The following KCNH1 variants were observed in gnomAD, a reference collection of about 807,000 sequenced individuals.
KCNH1 encodes voltage-gated delayed rectifier potassium channel KCNH1.
In KCNH1, 27 loss-of-function variants were observed where a neutral mutation model predicts 69.2. That is an observed-to-expected ratio of 0.39 (90% CI 0.29 to 0.54). The LOEUF (loss-of-function observed/expected upper bound fraction) is 0.54. Among genes scored for constraint, KCNH1 ranks in the 20% least tolerant of loss-of-function variants. The probability of loss-of-function intolerance (pLI) is 0.68; values close to 1 mark genes in which losing one functional copy is unlikely to be tolerated. For synonymous variants in KCNH1, 456 were observed against 487.7 expected (o/e 0.93, Z 0.86); for missense variants, 798 against 1,261.6 (o/e 0.63, Z 5.57).
intron 3 of KCNH1, 147 bp downstream of exon 3, chr1:211,103,349 T>G: frequency 1.8e-6 from 1 of 562,784 alleles, no homozygotes. Context: ...TCAATCTATA[T>G]CATCCATCCC....
At chr1:211,103,624 A>C in intron 2 of KCNH1, 22 bp from the exon 3 acceptor site, 2 of 1,449,992 alleles carry the variant, frequency 1.4e-6, no homozygotes, top group Middle Eastern at 1.8e-4. Context: ...CAAAGAACTC[A>C]AGTTAGATTA....
intron 8 of KCNH1, among the ~76,000 whole-genome samples, chr1:210,798,467 G>A (rs1410752662): frequency 1.3e-5 from 2 of 152,220 alleles, no homozygotes; most frequent in Admixed American, 6.5e-5. Context: ...AGGAGTGAGG[G>A]CAAAGGGGCA....
At chr1:211,070,158 T>C (rs1571622752) in intron 5 of KCNH1, among the ~76,000 whole-genome samples, 1 of 151,994 alleles carries the variant, frequency 6.6e-6, no homozygotes, top group Non-Finnish European at 1.5e-5. Context: ...GGGGCTCACA[T>C]CTGTAATCCC....
chr1:210,952,219 C>T (rs922429593), intron 6 of KCNH1, among the ~76,000 whole-genome samples: 2 of 152,178 alleles, frequency 1.3e-5, no homozygotes, highest in Non-Finnish European at 2.9e-5. Context: ...CTGATATACT[C>T]ATCTCTGGCC....
chr1:211,056,449 A>G (rs1690306824), intron 5 of KCNH1, among the ~76,000 whole-genome samples: 1 of 152,122 alleles, frequency 6.6e-6, no homozygotes, highest in Admixed American at 6.5e-5. Flanking sequence ...GGACCCATCC[A>G]AGGATGGGGG....
intron 6 of KCNH1, among the ~76,000 whole-genome samples, chr1:210,999,727 A>G (rs1304767377): frequency 3.3e-5 from 5 of 152,220 alleles, no homozygotes; most frequent in Non-Finnish European, 7.3e-5. Flanking sequence ...AGAATTTTAG[A>G]CCAATATCCT....
intron 10 of KCNH1, among the ~76,000 whole-genome samples, chr1:210,710,291 C>G (rs189818731): frequency 1.3e-5 from 2 of 151,978 alleles, no homozygotes; most frequent in East Asian, 1.9e-4. Context: ...GGAAGTTGCT[C>G]TGGGTAAGTC....
At chr1:210,905,100 G>A (rs1459165753) in intron 7 of KCNH1, among the ~76,000 whole-genome samples, 2 of 152,298 alleles carry the variant, frequency 1.3e-5, no homozygotes, top group Middle Eastern at 3.4e-3. Context: ...TCCCTGAAAG[G>A]TGACTGTAGG....
At chr1:210,789,685 A>T (rs998366828) in intron 9 of KCNH1, among the ~76,000 whole-genome samples, 1 of 152,216 alleles carries the variant, frequency 6.6e-6, no homozygotes, top group African/African-American at 2.4e-5. Flanking sequence ...ACAAATATTT[A>T]AAAAAATTAA....
intron 6 of KCNH1, among the ~76,000 whole-genome samples, chr1:210,932,251 G>A (rs1206487928): frequency 6.6e-6 from 1 of 152,032 alleles, no homozygotes; most frequent in South Asian, 2.1e-4. Flanking sequence ...ACATATGAGG[G>A]AACTGCTCTT....
At chr1:211,036,124 C>A (rs560565354) in intron 5 of KCNH1, among the ~76,000 whole-genome samples, 5 of 152,250 alleles carry the variant, frequency 3.3e-5, no homozygotes, top group Middle Eastern at 6.8e-3. Context: ...CCCTGACCAA[C>A]TAAAATTGGG....
At chr1:211,120,564 A>G (rs1691667739) in intron 1 of KCNH1, among the ~76,000 whole-genome samples, 1 of 152,162 alleles carries the variant, frequency 6.6e-6, no homozygotes, top group Non-Finnish European at 1.5e-5. Context: ...ATTATAGACA[A>G]TTTGAACAAA....
chr1:211,113,972 TCTCACA>T (rs1336055048), intron 1 of KCNH1, among the ~76,000 whole-genome samples: 9 of 131,602 alleles, frequency 6.8e-5, no homozygotes, highest in African/African-American at 1.9e-4. Flanking sequence ...TCTCTCTCTC[TCTCACA>T]CACACACACA....
chr1:210,797,390 T>C, intron 9 of KCNH1, 118 bp downstream of exon 9: 1 of 1,084,844 alleles, frequency 9.2e-7, no homozygotes, highest in Non-Finnish European at 1.4e-6. Context: ...AAGTGAATAT[T>C]AGCAATTGGC....
chr1:210,771,877 A>G lies in KCNH1; in HGVS notation c.2112+3471T>C, dbSNP rs1406773055. On this transcript the variant is annotated intron_variant, in intron 10 of 10. Coordinates refer to ENST00000271751, the MANE Select transcript of KCNH1 (RefSeq NM_172362.3). ...CAAGCAAGAAAAACTAAAGGCCAAAATGCTGGATTTGCCTCCAGGTTCTGC... is the reference window on the plus strand; with the variant it reads ...CAAGCAAGAAAAACTAAAGGCCAAAGTGCTGGATTTGCCTCCAGGTTCTGC... Among the ~76,000 whole-genome samples the G allele has an allele frequency of 3.3e-5, 5 of 152,252 alleles. No homozygotes were observed. The East Asian group carries it at 9.7e-4, about 29-fold the overall frequency.
chr1:210,720,026 C>T (rs1222823294), intron 10 of KCNH1, among the ~76,000 whole-genome samples: 1 of 152,116 alleles, frequency 6.6e-6, no homozygotes, highest in Non-Finnish European at 1.5e-5. Flanking sequence ...AGATTTTCAC[C>T]CTCTGAGAAC....
At chr1:210,872,190 T>A (rs1399509176) in intron 7 of KCNH1, among the ~76,000 whole-genome samples, 1 of 150,746 alleles carries the variant, frequency 6.6e-6, no homozygotes, top group Non-Finnish European at 1.5e-5. Context: ...ATAATCGATG[T>A]TAAGTACTTT....
At chr1:210,798,975 A>T (rs1459071908) in intron 8 of KCNH1, among the ~76,000 whole-genome samples, 3 of 152,150 alleles carry the variant, frequency 2.0e-5, no homozygotes, top group Admixed American at 2.0e-4. Context: ...CTAGGCTCTG[A>T]GGATGAAGCA....
intron 9 of KCNH1, among the ~76,000 whole-genome samples, chr1:210,795,509 T>C (rs1294420981): frequency 6.6e-6 from 1 of 152,126 alleles, no homozygotes; most frequent in Non-Finnish European, 1.5e-5. Context: ...TGAAGGAATA[T>C]AAATCATCCT....
Sources: allele counts gnomAD v4.1 joint callset (sites outside exome capture counted in the v4.1 genomes callset), GRCh38; gene constraint gnomAD v4.1.1; transcripts MANE v1.5; gene names NCBI Gene and HGNC (gene_info 2026-07-23, HGNC 2026-07-21).